Variants in KCNT1 observed in about 807,000 individuals in gnomAD.
The protein encoded by KCNT1 is potassium channel subfamily T member 1.
A neutral mutation model predicts 147.8 loss-of-function variants in KCNT1; 78 were observed. That is an observed-to-expected ratio of 0.53 (90% CI 0.44 to 0.64). KCNT1 has a LOEUF of 0.64. Among genes scored for constraint, KCNT1 ranks in the 30% least tolerant of loss-of-function variants. KCNT1 has a pLI of 0.00. For missense variants in KCNT1, 1,419 were observed against 1,750.3 expected, an observed-to-expected ratio of 0.81 and a Z score of 3.38; for synonymous variants, 867 against 748.8, an observed-to-expected ratio of 1.16 and a Z score of -2.58.
rs375749415 is a variant in KCNT1, at chr9:135,784,885, C to T, written c.3152C>T (p.Ser1051Leu). The T allele has an allele frequency of 1.4e-5, 23 of 1,612,202 alleles. No homozygotes were observed. The African/African-American group carries it at 2.0e-4, about 14-fold the overall frequency. Residue 1051 changes from serine to leucine, a missense_variant, in exon 27 of 31, where the codon TCG (serine) becomes TTG (leucine). This residue lies in a region of KCNT1 where 306 missense variants were observed against 294.2 expected (regional missense o/e 1.04). Transcript: ENST00000371757. ...YRTESHVFST[S>L]EPHDLRAQSQ... ...ACAGAGAGCCACGTCTTCTCCACCT[C>T]GGAGGTTCTGGGGCAGCCTGGGGGC...
At position 135,784,876 on chromosome 9, in the gene KCNT1, TCTC is replaced by T. The variant is rs758292147; in HGVS notation, c.3145_3147del (p.Ser1049del). The T allele has an allele frequency of 7.4e-6, 12 of 1,612,356 alleles. No individual in the cohort carries two copies. Among genetic ancestry groups the T allele is most frequent in the East Asian group, 4.5e-5 (2 of 44,880 alleles). On this transcript the variant is annotated inframe_deletion, in exon 27 of 31. Transcript: ENST00000371757. ...ATCTACCGGACAGAGAGCCACGTCT[TCTC>T]CACCTCGGAGGTTCTGGGGCAGCCT... is the stretch of plus-strand genomic sequence containing the variant.
chr9:135,729,281 G>A (rs1016659557), intron 2 of KCNT1, among the ~76,000 whole-genome samples: 5 of 152,234 alleles, frequency 3.3e-5, no homozygotes, highest in East Asian at 1.9e-4. Flanking sequence ...GAACACATCT[G>A]TACTTGCTTT....
chr9:135,770,067 GTGCCCC>G lies in KCNT1; in HGVS notation c.1619+13_1619+18del. ...ACGTCCCGCGGCCAGTGAGTGCCCC[GTGCCCC>G]GGGGGACCGACCTCCATGGCGGGGC... is the stretch of plus-strand genomic sequence containing the variant. On this transcript the variant is annotated intron_variant, in intron 16 of 30. Transcript: ENST00000371757. The G allele has an allele frequency of 1.3e-6, 2 of 1,544,480 alleles. No homozygotes were observed. The highest frequency in any genetic ancestry group is 2.4e-5 in the South Asian group (2 of 83,876).
At chr9:135,767,642 C>T (rs1050874925) in intron 13 of KCNT1, among the ~76,000 whole-genome samples, 2 of 152,170 alleles carry the variant, frequency 1.3e-5, no homozygotes, top group African/African-American at 4.8e-5. Context: ...AGCCAGTGCC[C>T]AGGTCACTGG....
chr9:135,771,309 C>CGGGCA (rs1564372018), intron 18 of KCNT1: 1 of 606,668 alleles, frequency 1.6e-6, no homozygotes, highest in Non-Finnish European at 2.9e-6. Context: ...GAGACCAGAC[C>CGGGCA]GGGCAGGGCA....
intron 2 of KCNT1, among the ~76,000 whole-genome samples, chr9:135,731,717 A>G (rs1836439688): frequency 6.6e-6 from 1 of 151,588 alleles, no homozygotes; most frequent in South Asian, 2.1e-4. Context: ...TCAGCATGGG[A>G]CCGTCATCCT....
At chr9:135,771,432 C>T (rs188674023) in intron 18 of KCNT1, among the ~76,000 whole-genome samples, 13 of 152,334 alleles carry the variant, frequency 8.5e-5, no homozygotes, top group Admixed American at 3.9e-4. Flanking sequence ...CAGGTGTCCC[C>T]GCCTTCCTGT....
At chr9:135,702,392 A>T in intron 1 of KCNT1, 24 bp downstream of exon 1, 1 of 1,542,650 alleles carries the variant, frequency 6.5e-7, no homozygotes, top group Non-Finnish European at 8.9e-7. Context: ...CGCCCTCCCC[A>T]CGCGGGGAGG....
At chr9:135,764,927 C>T in intron 11 of KCNT1, 104 bp from the exon 12 acceptor site, 1 of 1,338,144 alleles carries the variant, frequency 7.5e-7, no homozygotes, top group Non-Finnish European at 1.0e-6. Flanking sequence ...CCGGCCCTGC[C>T]CCAGGCCCCT....
chr9:135,771,500 C>A (rs1832760155), intron 18 of KCNT1, among the ~76,000 whole-genome samples: 1 of 152,254 alleles, frequency 6.6e-6, no homozygotes, highest in African/African-American at 2.4e-5. Context: ...TGGGGCCGCC[C>A]ACAGGACCGG....
intron 18 of KCNT1, 185 bp downstream of exon 18, chr9:135,771,280 G>A (rs138760935): frequency 4.6e-5 from 29 of 624,482 alleles, no homozygotes; most frequent in Middle Eastern, 4.2e-4. Context: ...CAGGCAGGGC[G>A]GGAGACCAGG....
intron 6 of KCNT1, among the ~76,000 whole-genome samples, chr9:135,756,328 G>A (rs1001575788): frequency 1.3e-5 from 2 of 152,254 alleles, no homozygotes; most frequent in Middle Eastern, 3.4e-3. Context: ...TGACCCATCT[G>A]TGTCCTTGCT....
rs189984043 is a variant in KCNT1 at position 135,722,819 on chromosome 9, C to T, written c.254+8099C>T. ...CCCACTCTCATGAACTCGTCCAAGC[C>T]TACTCACCTCCTGAAGGCCCTGTCT... On this transcript the variant is annotated intron_variant, in intron 2 of 30. Coordinates refer to ENST00000371757, the MANE Select transcript of KCNT1 (RefSeq NM_020822.3). 4.7e-3 allele frequency among the ~76,000 whole-genome samples: 713 copies of T among 152,286 alleles called. 2 individuals carry two copies. Among genetic ancestry groups the T allele is most frequent in the Non-Finnish European group, 7.6e-3 (515 of 68,012 alleles).
At chr9:135,709,591 C>G (rs565981205) in intron 1 of KCNT1, among the ~76,000 whole-genome samples, 13 of 152,318 alleles carry the variant, frequency 8.5e-5, no homozygotes, top group Admixed American at 3.3e-4. Context: ...CCGTCCAACT[C>G]TGCATCTCTC....
In KCNT1 at chr9:135,742,201, T is replaced by TG. The variant is rs533801501; in HGVS notation, c.255-7895dup. ...ATCGCAGGGAGCCTTGGGGCAGGGCTGGCGGGTGCCTCACCCGCTGGTCTG... is the reference window on the plus strand; with the variant it reads ...ATCGCAGGGAGCCTTGGGGCAGGGCTGGGCGGGTGCCTCACCCGCTGGTCTG... On this transcript the variant is annotated intron_variant, in intron 2 of 30. Transcript: ENST00000371757. 4.5e-3 allele frequency among the ~76,000 whole-genome samples: 679 copies of TG among 152,320 alleles called. 9 individuals are homozygous for TG. The highest frequency in any genetic ancestry group is 0.016 in the African/African-American group (657 of 41,580).
At chr9:135,732,024 A>AGAGAGGGAGGGAGG (rs1554766188) in intron 2 of KCNT1, among the ~76,000 whole-genome samples, 1 of 65,084 alleles carries the variant, frequency 1.5e-5, no homozygotes, top group Non-Finnish European at 3.2e-5. Flanking sequence ...AGAGAGAGAG[A>AGAGAGGGAGGGAGG]GAGAGAGAGA....
intron 24 of KCNT1, among the ~76,000 whole-genome samples, chr9:135,780,426 C>T (rs560504714): frequency 2.0e-5 from 3 of 152,322 alleles, no homozygotes; most frequent in African/African-American, 4.8e-5. Flanking sequence ...GCACTCCCTG[C>T]GACACGGACA....
chr9:135,750,891 C>T (rs1831117371), intron 3 of KCNT1, 51 bp from the exon 4 acceptor site: 1 of 1,560,338 alleles, frequency 6.4e-7, no homozygotes, highest in Non-Finnish European at 8.8e-7. Context: ...GGCCCTGCTC[C>T]CCGAAGCCCA....
rs1389893881 is a variant in KCNT1, at chr9:135,792,255, T to C, written c.*94T>C. 4 of 1,425,764 alleles carry C rather than the reference T, an allele frequency of 2.8e-6. No homozygotes were observed. Among genetic ancestry groups the C allele is most frequent in the Non-Finnish European group, 3.8e-6 (4 of 1,064,408 alleles). 88.3% of individuals were successfully genotyped at this position (1,425,764 alleles called of 1,614,324 possible). On this transcript the variant is annotated 3_prime_UTR_variant, in exon 31 of 31. Transcript: ENST00000371757. ...GGACACGGTGGCACTAGCGTGACCCTGGGGATGGCACACTCTACTCACCAT... is the reference window on the plus strand; with the variant it reads ...GGACACGGTGGCACTAGCGTGACCCCGGGGATGGCACACTCTACTCACCAT...
Sources: gnomAD v4.1 joint callset for allele counts (sites outside exome capture counted in the v4.1 genomes callset) on GRCh38, gnomAD v4.1.1 for gene constraint, gnomAD v4.1.1 regional missense constraint, MANE v1.5 for transcripts, NCBI Gene and HGNC (gene_info 2026-07-23, HGNC 2026-07-21) for gene names.